The following EXOC4 variants were observed in gnomAD, a reference collection of about 807,000 sequenced individuals.
EXOC4 encodes the protein SEC8-like 1.
A neutral mutation model predicts 107.2 loss-of-function variants in EXOC4; 71 were observed. The ratio of observed to expected loss-of-function variants is 0.66; its 90% confidence interval spans 0.55 to 0.81. The LOEUF is 0.81. Among genes scored for constraint, EXOC4 ranks in the 30% least tolerant of loss-of-function variants. The probability of loss-of-function intolerance (pLI) is 0.00; values close to 1 mark genes in which losing one functional copy is unlikely to be tolerated. For synonymous variants in EXOC4, 456 were observed against 441.2 expected (o/e 1.03, Z -0.42); for missense variants, 1,108 against 1,189.6 (o/e 0.93, Z 1.01).
intron 10 of EXOC4, among the ~76,000 whole-genome samples, chr7:133,634,326 T>G (rs1411075748): frequency 2.6e-5 from 4 of 152,232 alleles, no homozygotes; most frequent in Admixed American, 2.0e-4. Context: ...GCTTTCCTTA[T>G]TGTTTTTTCT....
chr7:133,741,549 A>G (rs1026409620), intron 10 of EXOC4, among the ~76,000 whole-genome samples: 14 of 152,190 alleles, frequency 9.2e-5, no homozygotes, highest in Non-Finnish European at 1.5e-4. Context: ...CCTAGGTCGT[A>G]TCTGGCCCTG....
intron 7 of EXOC4, among the ~76,000 whole-genome samples, chr7:133,430,369 G>A (rs1465685520): frequency 6.6e-6 from 1 of 152,172 alleles, no homozygotes; most frequent in Non-Finnish European, 1.5e-5. Context: ...GGGAAAACGG[G>A]ATAACTCTTC....
intron 7 of EXOC4, among the ~76,000 whole-genome samples, chr7:133,390,717 G>T (rs565721763): frequency 3.9e-5 from 6 of 152,152 alleles, no homozygotes; most frequent in African/African-American, 2.4e-5. Flanking sequence ...CAGAGAATGT[G>T]GTTAATGGGA....
At chr7:133,596,607 G>A (rs772298136) in intron 9 of EXOC4, among the ~76,000 whole-genome samples, 1 of 152,184 alleles carries the variant, frequency 6.6e-6, no homozygotes, top group Non-Finnish European at 1.5e-5. Flanking sequence ...CTCTCAAATA[G>A]GGTGAGCTTT....
downstream of EXOC4, among the ~76,000 whole-genome samples, chr7:134,068,022 T>C (rs1354871255): frequency 6.6e-6 from 1 of 152,244 alleles, no homozygotes; most frequent in East Asian, 1.9e-4. Flanking sequence ...CAAGTCCTGC[T>C]TCCAGGCTCT....
At chr7:133,668,641 G>A (rs1418063967) in intron 10 of EXOC4, among the ~76,000 whole-genome samples, 1 of 152,192 alleles carries the variant, frequency 6.6e-6, no homozygotes, top group Admixed American at 6.5e-5. Flanking sequence ...GAGATTCTAG[G>A]AGCACATTTC....
At chr7:133,737,594 A>G (rs1795470573) in intron 10 of EXOC4, among the ~76,000 whole-genome samples, 1 of 152,080 alleles carries the variant, frequency 6.6e-6, no homozygotes, top group Non-Finnish European at 1.5e-5. Context: ...ATCTCATTTA[A>G]CCAGGATGTG....
intron 17 of EXOC4, among the ~76,000 whole-genome samples, chr7:134,021,842 C>A (rs1422546397): frequency 6.6e-6 from 1 of 151,874 alleles, no homozygotes; most frequent in East Asian, 1.9e-4. Context: ...TTTCAGCAGG[C>A]ATTAACACTG....
chr7:133,812,136 CAAAGTGA>C (rs925905768), intron 10 of EXOC4, among the ~76,000 whole-genome samples: 11 of 151,610 alleles, frequency 7.3e-5, no homozygotes, highest in African/African-American at 1.9e-4. Context: ...AATAAGGGAG[CAAAGTGA>C]AAAGTGAAAA....
intron 11 of EXOC4, among the ~76,000 whole-genome samples, chr7:133,856,969 T>C (rs1798388388): frequency 6.7e-6 from 1 of 149,784 alleles, no homozygotes; most frequent in South Asian, 2.1e-4. Flanking sequence ...TGGTGGCACA[T>C]GCCTGTAGTC....
At chr7:133,301,360 A>G (rs928711411) in intron 3 of EXOC4, among the ~76,000 whole-genome samples, 7 of 152,202 alleles carry the variant, frequency 4.6e-5, no homozygotes, top group Non-Finnish European at 1.0e-4. Context: ...ATGTATATGT[A>G]GGAAGGGGGA....
intron 9 of EXOC4, among the ~76,000 whole-genome samples, chr7:133,578,724 T>TA (rs983820357): frequency 6.6e-6 from 1 of 152,220 alleles, no homozygotes; most frequent in Non-Finnish European, 1.5e-5. Flanking sequence ...TTTGCAGTGT[T>TA]ACAGCTAGAA....
At chr7:133,880,390 G>A (rs1798940061) in intron 11 of EXOC4, among the ~76,000 whole-genome samples, 1 of 152,136 alleles carries the variant, frequency 6.6e-6, no homozygotes, top group Non-Finnish European at 1.5e-5. Context: ...TGCTTTTGAA[G>A]TGTGCATGGG....
intron 9 of EXOC4, among the ~76,000 whole-genome samples, chr7:133,549,066 C>A (rs1246848538): frequency 1.3e-5 from 2 of 152,174 alleles, no homozygotes; most frequent in African/African-American, 2.4e-5. Context: ...TGCAGTGGCA[C>A]GATCTTGGCT....
At chr7:133,683,372 A>C (rs113490193) in intron 10 of EXOC4, among the ~76,000 whole-genome samples, 2 of 152,256 alleles carry the variant, frequency 1.3e-5, no homozygotes, top group African/African-American at 4.8e-5. Context: ...TTTAACTCAC[A>C]GTGTACTGAT....
intron 9 of EXOC4, among the ~76,000 whole-genome samples, chr7:133,525,524 T>C (rs929105202): frequency 6.6e-6 from 1 of 152,190 alleles, no homozygotes; most frequent in Non-Finnish European, 1.5e-5. Flanking sequence ...TATGCCTTTC[T>C]GAAATAGAGT....
At chr7:133,680,331 C>G (rs183806581) in intron 10 of EXOC4, among the ~76,000 whole-genome samples, 1 of 152,100 alleles carries the variant, frequency 6.6e-6, no homozygotes, top group East Asian at 1.9e-4. Context: ...GTTGATTTAA[C>G]AATATAGTTA....
intron 14 of EXOC4, among the ~76,000 whole-genome samples, chr7:133,940,653 C>T (rs1800404790): frequency 6.6e-6 from 1 of 152,274 alleles, no homozygotes; most frequent in Admixed American, 6.5e-5. Context: ...CTTTGAATTC[C>T]CAGGAGAGAT....
At chr7:133,585,843 A>G (rs1288696379) in intron 9 of EXOC4, among the ~76,000 whole-genome samples, 1 of 151,898 alleles carries the variant, frequency 6.6e-6, no homozygotes, top group Non-Finnish European at 1.5e-5. Flanking sequence ...ACAGGCATGC[A>G]CCACCACACC....
Sources: allele counts gnomAD v4.1 joint callset (sites outside exome capture counted in the v4.1 genomes callset), GRCh38; gene constraint gnomAD v4.1.1; transcripts MANE v1.5; gene names NCBI Gene and HGNC (gene_info 2026-07-23, HGNC 2026-07-21).